Variants in SORCS3 observed in about 807,000 individuals in gnomAD.
SORCS3 encodes sortilin related VPS10 domain containing receptor 3.
Under a neutral mutation model 146.3 loss-of-function variants are expected in SORCS3, and 57 were observed. The observed-to-expected ratio is 0.39, with a 90% CI of 0.31 to 0.49. SORCS3 has a LOEUF of 0.49. SORCS3 is among the 20% of genes least tolerant of loss of function. The probability of loss-of-function intolerance (pLI) is 0.92; values close to 1 mark genes in which losing one functional copy is unlikely to be tolerated. For missense variants in SORCS3, 1,341 were observed against 1,575.5 expected (o/e 0.85, Z 2.52); for synonymous variants, 653 against 618.5 (o/e 1.06, Z -0.83).
intron 2 of SORCS3, among the ~76,000 whole-genome samples, chr10:104,853,202 C>T (rs545168278): frequency 2.0e-4 from 30 of 152,216 alleles, no homozygotes; most frequent in African/African-American, 6.7e-4. Flanking sequence ...AGGAAGCTGA[C>T]GCAGGAGAGT....
At chr10:104,732,211 C>T (rs780132590) in intron 1 of SORCS3, among the ~76,000 whole-genome samples, 4 of 152,186 alleles carry the variant, frequency 2.6e-5, no homozygotes, top group Non-Finnish European at 4.4e-5. Context: ...AGAGCTCCAA[C>T]ATGTGCAAAG....
At chr10:104,976,682 C>T (rs1385590042) in intron 3 of SORCS3, among the ~76,000 whole-genome samples, 2 of 152,156 alleles carry the variant, frequency 1.3e-5, no homozygotes, top group African/African-American at 4.8e-5. Context: ...CAATGATAGA[C>T]TGGATTAAGA....
intron 1 of SORCS3, among the ~76,000 whole-genome samples, chr10:104,741,699 G>GGTTTT (rs2016844537): frequency 1.3e-4 from 1 of 7,862 alleles, no homozygotes; most frequent in East Asian, 8.9e-3. Flanking sequence ...TTCCATTCTG[G>GGTTTT]GTTTTTTTTT....
intron 1 of SORCS3, among the ~76,000 whole-genome samples, chr10:104,797,734 T>G (rs775661882): frequency 1.3e-5 from 2 of 152,190 alleles, no homozygotes; most frequent in Non-Finnish European, 2.9e-5. Context: ...CCAAAGTCCA[T>G]GCTTAGCTAA....
At chr10:104,980,734 A>G (rs2054927379) in intron 4 of SORCS3, among the ~76,000 whole-genome samples, 1 of 152,208 alleles carries the variant, frequency 6.6e-6, no homozygotes, top group Admixed American at 6.5e-5. Flanking sequence ...ATGTATTACA[A>G]AAGACCTAAT....
chr10:105,247,132 A>T (rs2056871029), intron 21 of SORCS3, 87 bp from the exon 22 acceptor site: 1 of 587,776 alleles, frequency 1.7e-6, no homozygotes, highest in Middle Eastern at 2.7e-4. Flanking sequence ...TTTTACCAAA[A>T]GCACAGTGAT....
At chr10:104,709,427 C>T (rs2016386561) in intron 1 of SORCS3, among the ~76,000 whole-genome samples, 1 of 152,152 alleles carries the variant, frequency 6.6e-6, no homozygotes, top group African/African-American at 2.4e-5. Context: ...TATGTACCAT[C>T]CCTTTATAGG....
intron 1 of SORCS3, among the ~76,000 whole-genome samples, chr10:104,779,849 C>G (rs949683310): frequency 6.6e-6 from 1 of 152,218 alleles, no homozygotes; most frequent in Non-Finnish European, 1.5e-5. Context: ...CTGCCTCACC[C>G]CGCGCGCTCC....
chr10:104,794,622 G>GGAGGGAGAGAGAGAGAGA (rs1481811209), intron 1 of SORCS3, among the ~76,000 whole-genome samples: 289 of 41,346 alleles, frequency 7.0e-3, no homozygotes, highest in African/African-American at 0.016. Context: ...AGAGAGGGAG[G>GGAGGGAGAGAGAGAGAGA]GAGAGAGAGA....
chr10:105,257,652 G>A (rs2056939231), intron 25 of SORCS3, among the ~76,000 whole-genome samples: 1 of 152,156 alleles, frequency 6.6e-6, no homozygotes, highest in Non-Finnish European at 1.5e-5. Flanking sequence ...TTTAGCGTTT[G>A]TAACCTTGGG....
chr10:105,057,546 A>G (rs1037064614), intron 5 of SORCS3, among the ~76,000 whole-genome samples: 1 of 152,152 alleles, frequency 6.6e-6, no homozygotes, highest in African/African-American at 2.4e-5. Flanking sequence ...TTGCTCTATC[A>G]GTGGGCTCAC....
intron 9 of SORCS3, among the ~76,000 whole-genome samples, chr10:105,153,373 T>A (rs1432654771): frequency 6.6e-6 from 1 of 152,228 alleles, no homozygotes; most frequent in Admixed American, 6.5e-5. Flanking sequence ...CCATTTAGGT[T>A]ACTTTTTAAA....
At chr10:105,076,605 G>A (rs945860572) in intron 5 of SORCS3, among the ~76,000 whole-genome samples, 2 of 152,148 alleles carry the variant, frequency 1.3e-5, no homozygotes, top group African/African-American at 4.8e-5. Flanking sequence ...GCCAACTGGT[G>A]GGCCAGCAGG....
chr10:105,153,155 G>T (rs2056179624), intron 9 of SORCS3, among the ~76,000 whole-genome samples: 1 of 151,984 alleles, frequency 6.6e-6, no homozygotes, highest in Admixed American at 6.6e-5. Flanking sequence ...ACACATACCT[G>T]CCCTCTCTTT....
chr10:105,228,313 C>T (rs1472700802), intron 20 of SORCS3, among the ~76,000 whole-genome samples: 3 of 151,406 alleles, frequency 2.0e-5, no homozygotes, highest in Non-Finnish European at 4.4e-5. Context: ...GCCTGCCTGC[C>T]CTGCCCTCCA....
At chr10:104,651,545 A>C (rs1291313087) in intron 1 of SORCS3, among the ~76,000 whole-genome samples, 5 of 115,726 alleles carry the variant, frequency 4.3e-5, no homozygotes, top group African/African-American at 1.2e-4. Flanking sequence ...AAAAAAAAAA[A>C]AAAAAAAAAC....
intron 5 of SORCS3, among the ~76,000 whole-genome samples, chr10:105,070,381 C>T (rs373277927): frequency 2.6e-5 from 4 of 152,216 alleles, no homozygotes; most frequent in East Asian, 3.8e-4. Context: ...TATACCACCT[C>T]GGTGTCTCCA....
chr10:104,894,043 TG>T, intron 2 of SORCS3, among the ~76,000 whole-genome samples: 1 of 152,312 alleles, frequency 6.6e-6, no homozygotes, highest in East Asian at 1.9e-4. Flanking sequence ...ACAGACCTTT[TG>T]GGGGCTTGTT....
chr10:104,648,725 C>A (rs1226916135), intron 1 of SORCS3, among the ~76,000 whole-genome samples: 1 of 152,182 alleles, frequency 6.6e-6, no homozygotes, highest in East Asian at 1.9e-4. Flanking sequence ...TTATTTTGAT[C>A]AGTGTAGTTT....
Sources: gnomAD v4.1 joint callset for allele counts (sites outside exome capture counted in the v4.1 genomes callset) on GRCh38, gnomAD v4.1.1 for gene constraint, MANE v1.5 for transcripts, NCBI Gene and HGNC (gene_info 2026-07-23, HGNC 2026-07-21) for gene names.